DENND1A: variants seen among roughly 807,000 people sequenced by gnomAD.
DENND1A encodes DENN domain containing 1A.
Under a neutral mutation model 113.7 loss-of-function variants are expected in DENND1A, and 51 were observed. The ratio of observed to expected loss-of-function variants is 0.45; its 90% confidence interval spans 0.36 to 0.57. The LOEUF is 0.57. DENND1A is among the 20% of genes least tolerant of loss of function. DENND1A has a pLI of 0.00. For synonymous variants in DENND1A, 565 were observed against 570.8 expected, an observed-to-expected ratio of 0.99 and a Z score of 0.14; for missense variants, 1,258 against 1,395.9, an observed-to-expected ratio of 0.90 and a Z score of 1.57.
At chr9:123,718,516 A>G (rs965154300) in intron 5 of DENND1A, among the ~76,000 whole-genome samples, 5 of 152,326 alleles carry the variant, frequency 3.3e-5, no homozygotes, top group African/African-American at 7.2e-5. Context: ...AGCTCTGGCT[A>G]AAGTTCTGAC....
rs554365290 is a variant in DENND1A, at chr9:123,537,114, G to T, written c.993+20456C>A. ...ACCTACTGTGTCAAAATGAGCTAAAGACACTAAGAAAATGGCATAAAGCAT... is the reference window on the plus strand; with the variant it reads ...ACCTACTGTGTCAAAATGAGCTAAATACACTAAGAAAATGGCATAAAGCAT... On this transcript the variant is annotated intron_variant, in intron 13 of 23. Transcript: ENST00000394215. 3.9e-5 allele frequency among the ~76,000 whole-genome samples: 6 copies of T among 152,040 alleles called. No homozygotes were observed. The South Asian group carries it at 1.2e-3, about 32-fold the overall frequency.
Position 123,771,537 on chromosome 9 carries a change from T to C in DENND1A, c.133-1974A>G, listed in dbSNP as rs529905571. On this transcript the variant is annotated intron_variant, in intron 3 of 23. Transcript: ENST00000394215. ...GCTATCTTTTACCCCTCAAAAGTTA[T>C]AGGTGCAGAAAGCACTTCTCTACTC... Among the ~76,000 whole-genome samples the C allele has an allele frequency of 2.6e-5, 4 of 152,338 alleles. No individual in the cohort carries two copies. In the East Asian group the frequency reaches 7.7e-4, roughly 29 times the overall value.
At chr9:123,576,912 G>A (rs900458651) in intron 12 of DENND1A, among the ~76,000 whole-genome samples, 11 of 152,056 alleles carry the variant, frequency 7.2e-5, no homozygotes, top group African/African-American at 2.4e-4. Context: ...GCTAATTTAA[G>A]CTTTTCTTGG....
intron 5 of DENND1A, among the ~76,000 whole-genome samples, chr9:123,743,689 G>T (rs534183096): frequency 6.6e-6 from 1 of 150,996 alleles, no homozygotes; most frequent in Non-Finnish European, 1.5e-5. Flanking sequence ...CTGAGACCAC[G>T]CAATTGCACT....
intron 13 of DENND1A, chr9:123,492,018 G>C (rs1233118695): frequency 6.6e-6 from 1 of 152,264 alleles, no homozygotes; most frequent in Non-Finnish European, 1.5e-5. Context: ...TTCAGAGCAA[G>C]AGAGGAAGAC....
rs571327771 is a variant in DENND1A, at chr9:123,850,148, G to A, written c.88+28803C>T. 1.1e-4 allele frequency among the ~76,000 whole-genome samples: 16 copies of A among 152,302 alleles called. No individual in the cohort carries two copies. The East Asian group carries it at 1.2e-3, about 11-fold the overall frequency. On this transcript the variant is annotated intron_variant, in intron 2 of 23. Transcript: ENST00000394215. Reference sequence around the variant, plus strand: ...AGGTTTCCGATTCTAAAAGGAGTTCGACTGGGGGTAAAATGCTATTAAAGA... The same window carrying A: ...AGGTTTCCGATTCTAAAAGGAGTTCAACTGGGGGTAAAATGCTATTAAAGA...
chr9:123,534,752 A>G (rs969170709), intron 13 of DENND1A, among the ~76,000 whole-genome samples: 2 of 152,244 alleles, frequency 1.3e-5, no homozygotes, highest in African/African-American at 2.4e-5. Context: ...TTTATAAACC[A>G]TTCATGTTAA....
At chr9:123,687,146 A>G (rs1389049024) in intron 5 of DENND1A, among the ~76,000 whole-genome samples, 4 of 152,180 alleles carry the variant, frequency 2.6e-5, no homozygotes, top group Non-Finnish European at 5.9e-5. Context: ...ACGGGCACAC[A>G]GAGAAAGTAG....
chr9:123,434,264 T>C (rs2046355105), intron 19 of DENND1A, among the ~76,000 whole-genome samples: 1 of 152,180 alleles, frequency 6.6e-6, no homozygotes, highest in African/African-American at 2.4e-5. Context: ...TGACCTCAGG[T>C]GATCCACCTG....
At chr9:123,720,463 G>A (rs1413576825) in intron 5 of DENND1A, among the ~76,000 whole-genome samples, 1 of 152,198 alleles carries the variant, frequency 6.6e-6, no homozygotes, top group Non-Finnish European at 1.5e-5. Context: ...TAATAGGCCT[G>A]CGACTTCAAA....
chr9:123,537,215 A>C (rs1296342689), intron 13 of DENND1A, among the ~76,000 whole-genome samples: 1 of 152,096 alleles, frequency 6.6e-6, no homozygotes, highest in African/African-American at 2.4e-5. Context: ...TAGAAATGAA[A>C]ACTCTTTTCA....
intron 5 of DENND1A, among the ~76,000 whole-genome samples, chr9:123,726,612 C>A (rs2067726960): frequency 2.0e-5 from 3 of 152,022 alleles, no homozygotes; most frequent in African/African-American, 7.3e-5. Context: ...ACACAAGCAC[C>A]CACAATAGGT....
chr9:123,648,225 G>A (rs567830560), intron 9 of DENND1A, among the ~76,000 whole-genome samples: 101 of 152,190 alleles, frequency 6.6e-4, no homozygotes, highest in South Asian at 2.7e-3. Flanking sequence ...GAGTACAGGC[G>A]CGTTCTACCA....
intron 5 of DENND1A, among the ~76,000 whole-genome samples, chr9:123,733,122 T>C (rs1381881051): frequency 2.6e-5 from 4 of 151,572 alleles, no homozygotes; most frequent in African/African-American, 7.3e-5. Flanking sequence ...GCTGGGATTA[T>C]AGGCACACGC....
intron 13 of DENND1A, among the ~76,000 whole-genome samples, chr9:123,479,763 C>A (rs1236586657): frequency 6.6e-6 from 1 of 152,252 alleles, no homozygotes; most frequent in Non-Finnish European, 1.5e-5. Context: ...TTGGCAAAAA[C>A]CCCCTACAAG....
chr9:123,856,560 C>T (rs908974146), intron 2 of DENND1A, among the ~76,000 whole-genome samples: 1 of 152,128 alleles, frequency 6.6e-6, no homozygotes, highest in Non-Finnish European at 1.5e-5. Context: ...GGGTAAGGAA[C>T]TTTCCATGCA....
At chr9:123,735,350 A>G (rs943997354) in intron 5 of DENND1A, among the ~76,000 whole-genome samples, 1 of 152,156 alleles carries the variant, frequency 6.6e-6, no homozygotes, top group African/African-American at 2.4e-5. Flanking sequence ...TTATCTCTGA[A>G]TGTCAAAGAT....
intron 8 of DENND1A, among the ~76,000 whole-genome samples, chr9:123,660,236 A>G (rs2063163188): frequency 6.6e-6 from 1 of 152,194 alleles, no homozygotes; most frequent in Admixed American, 6.5e-5. Flanking sequence ...CATGTACGGT[A>G]GGAGTCTGGC....
chr9:123,446,606 C>T (rs1180800558), intron 18 of DENND1A, among the ~76,000 whole-genome samples: 1 of 152,172 alleles, frequency 6.6e-6, no homozygotes, highest in African/African-American at 2.4e-5. Flanking sequence ...GGGAGGATCA[C>T]TTGAGCCCAG....
Sources: allele counts gnomAD v4.1 joint callset (sites outside exome capture counted in the v4.1 genomes callset), GRCh38; gene constraint gnomAD v4.1.1; transcripts MANE v1.5; gene names NCBI Gene and HGNC (gene_info 2026-07-23, HGNC 2026-07-21).